DEPTOR: variants seen among roughly 807,000 people sequenced by gnomAD.
DEPTOR encodes the protein DEP domain-containing mTOR-interacting protein.
Under a neutral mutation model 41.6 loss-of-function variants are expected in DEPTOR, and 41 were observed. The ratio of observed to expected loss-of-function variants is 0.98; its 90% CI spans 0.77 to 1.28. The LOEUF (loss-of-function observed/expected upper bound fraction) is 1.28. Ranked by LOEUF, DEPTOR falls within the 50% of genes most tolerant of loss-of-function variation. The pLI, the probability that DEPTOR is intolerant of heterozygous loss-of-function variation, is 0.00. For synonymous variants in DEPTOR, 195 were observed against 192.3 expected, an observed-to-expected ratio of 1.01 and a Z score of -0.12; for missense variants, 514 against 527.9, an observed-to-expected ratio of 0.97 and a Z score of 0.26.
chr8:119,874,747 C>T (rs1331504281), intron 1 of DEPTOR, among the ~76,000 whole-genome samples: 1 of 152,172 alleles, frequency 6.6e-6, no homozygotes, highest in African/African-American at 2.4e-5. Flanking sequence ...ACAAGGACGA[C>T]CCCCAGAATC....
At chr8:120,024,874 G>GA (rs1378323860) in intron 8 of DEPTOR, among the ~76,000 whole-genome samples, 1 of 152,156 alleles carries the variant, frequency 6.6e-6, no homozygotes, top group Non-Finnish European at 1.5e-5. Context: ...CATGTGCCCA[G>GA]AAAAATAATG....
rs142819427 is a variant in DEPTOR at position 119,967,930 on chromosome 8, G to A, written c.604+2520G>A. Among the ~76,000 whole-genome samples the A allele has an allele frequency of 4.5e-4, 69 of 152,236 alleles. 1 individual carries two copies. The East Asian group carries it at 0.01, about 23-fold the overall frequency. On this transcript the variant is annotated intron_variant, in intron 4 of 8. Transcript: ENST00000286234. The stretch of plus-strand genomic sequence containing the variant: ...AGCCATGGATCTAGAGGCATTGCTT[G>A]GAGTGAGTGACACTGTATTCCAGGC...
At chr8:119,876,217 G>C (rs569022332) in intron 1 of DEPTOR, among the ~76,000 whole-genome samples, 1 of 152,266 alleles carries the variant, frequency 6.6e-6, no homozygotes, top group Non-Finnish European at 1.5e-5. Flanking sequence ...GCAGTTTTGA[G>C]AGCCATCCTT....
At chr8:119,964,051 A>G (rs1484496714) in intron 3 of DEPTOR, among the ~76,000 whole-genome samples, 1 of 152,088 alleles carries the variant, frequency 6.6e-6, no homozygotes, top group Non-Finnish European at 1.5e-5. Context: ...TCTTCTGGCT[A>G]TGTTCTCACG....
intron 3 of DEPTOR, among the ~76,000 whole-genome samples, chr8:119,936,037 T>A (rs72673639): frequency 0.17 from 25,887 of 149,912 alleles, 3,382 homozygotes; most frequent in African/African-American, 0.37. Context: ...GGGCCTTGAT[T>A]TTCTCAGCAG....
At chr8:119,947,160 A>T (rs1828290372) in intron 3 of DEPTOR, among the ~76,000 whole-genome samples, 1 of 152,190 alleles carries the variant, frequency 6.6e-6, no homozygotes, top group South Asian at 2.1e-4. Context: ...ACCCAACTGC[A>T]GTTTAGAAGT....
At chr8:120,045,098 G>T (rs1197916182) in intron 8 of DEPTOR, among the ~76,000 whole-genome samples, 1 of 152,178 alleles carries the variant, frequency 6.6e-6, no homozygotes, top group Non-Finnish European at 1.5e-5. Context: ...CTAGAGATGT[G>T]CTCAGGTGGC....
chr8:119,936,278 G>A (rs1477267322), intron 3 of DEPTOR, among the ~76,000 whole-genome samples: 2 of 152,162 alleles, frequency 1.3e-5, no homozygotes, highest in African/African-American at 4.8e-5. Flanking sequence ...TCTACCCTGT[G>A]TGTTAGGATC....
intron 1 of DEPTOR, among the ~76,000 whole-genome samples, chr8:119,927,559 A>G (rs1329649297): frequency 6.7e-6 from 1 of 148,158 alleles, no homozygotes; most frequent in Non-Finnish European, 1.5e-5. Flanking sequence ...GTAGCTCAAG[A>G]CACATATATA....
chr8:119,968,328 A>G (rs1828588956), intron 4 of DEPTOR, among the ~76,000 whole-genome samples: 1 of 150,816 alleles, frequency 6.6e-6, no homozygotes, highest in Non-Finnish European at 1.5e-5. Context: ...TTCTTTTATT[A>G]TTATTATTTT....
chr8:119,903,947 T>C (rs1827626811), intron 1 of DEPTOR, among the ~76,000 whole-genome samples: 1 of 152,040 alleles, frequency 6.6e-6, no homozygotes, highest in African/African-American at 2.4e-5. Context: ...CATTCCCACC[T>C]CCCTTCTGTA....
chr8:120,020,869 G>A (rs897524517), intron 8 of DEPTOR, among the ~76,000 whole-genome samples: 21 of 152,022 alleles, frequency 1.4e-4, no homozygotes, highest in Admixed American at 7.2e-4. Context: ...GACCAGCCTG[G>A]CCAATGTGGC....
intron 1 of DEPTOR, among the ~76,000 whole-genome samples, chr8:119,877,944 T>C (rs527428554): frequency 6.2e-4 from 95 of 152,252 alleles, no homozygotes; most frequent in African/African-American, 2.3e-3. Context: ...TGTGTTTTGT[T>C]TTTTGAGATG....
At chr8:120,007,094 G>C (rs1404039961) in intron 7 of DEPTOR, among the ~76,000 whole-genome samples, 4 of 152,120 alleles carry the variant, frequency 2.6e-5, no homozygotes, top group Non-Finnish European at 5.9e-5. Flanking sequence ...AAAATTTTTT[G>C]ATGTGTTCTT....
chr8:119,904,221 A>G (rs1477313178), intron 1 of DEPTOR, among the ~76,000 whole-genome samples: 2 of 151,764 alleles, frequency 1.3e-5, no homozygotes. Flanking sequence ...AGGTTCAAGC[A>G]GTTCTCATGT....
At chr8:119,898,995 A>G (rs946586084) in intron 1 of DEPTOR, among the ~76,000 whole-genome samples, 6 of 152,182 alleles carry the variant, frequency 3.9e-5, no homozygotes, top group Admixed American at 2.6e-4. Flanking sequence ...TGAAATTCAT[A>G]TGAGACCACA....
intron 3 of DEPTOR, among the ~76,000 whole-genome samples, chr8:119,931,765 G>A (rs529910288): frequency 1.3e-5 from 2 of 152,164 alleles, no homozygotes; most frequent in Non-Finnish European, 2.9e-5. Context: ...TTGAACATGT[G>A]CATTTGTTTT....
intron 8 of DEPTOR, among the ~76,000 whole-genome samples, chr8:120,043,937 G>A (rs115282373): frequency 1.6e-3 from 238 of 151,930 alleles, no homozygotes; most frequent in African/African-American, 5.6e-3. Context: ...GTTTGAACCC[G>A]GGTGTAGGAA....
At chr8:119,950,164 T>A (rs1384230530) in intron 3 of DEPTOR, among the ~76,000 whole-genome samples, 1 of 152,188 alleles carries the variant, frequency 6.6e-6, no homozygotes, top group African/African-American at 2.4e-5. Flanking sequence ...CTTGGCACCC[T>A]TGTTGAAATC....
Sources: gnomAD v4.1 joint callset for allele counts (sites outside exome capture counted in the v4.1 genomes callset) on GRCh38, gnomAD v4.1.1 for gene constraint, MANE v1.5 for transcripts, NCBI Gene and HGNC (gene_info 2026-07-23, HGNC 2026-07-21) for gene names.